KRT39: variants seen among roughly 807,000 people sequenced by gnomAD.
KRT39 encodes keratin 39, also known as keratin, type I cytoskeletal 39.
In KRT39, 47 loss-of-function variants were observed where a neutral mutation model predicts 54.8. That is an observed-to-expected ratio of 0.86 (90% CI 0.68 to 1.09). The LOEUF (loss-of-function observed/expected upper bound fraction) is 1.09. Among genes scored for constraint, KRT39 ranks in the 50% least tolerant of loss-of-function variants. The pLI is 0.00. For missense variants in KRT39, 580 were observed against 598.5 expected (o/e 0.97, Z 0.32); for synonymous variants, 207 against 227.9 (o/e 0.91, Z 0.83).
chr17:40,959,117 A>G (rs186235463), intron 6 of KRT39, among the ~76,000 whole-genome samples: 3 of 152,372 alleles, frequency 2.0e-5, no homozygotes, highest in African/African-American at 7.2e-5. Flanking sequence ...TTGTGGAAAG[A>G]ATACTGCACT....
rs1312317762 is a variant in KRT39 at position 40,962,462 on chromosome 17, A to G, written c.810T>C (p.Cys270=). ...DLNQVLQEMR[C]QYEPIMETNR... Reference sequence around the variant, plus strand: ...TTGTCTCCATGATGGGCTCATATTGACATCTCATTTCTTGTAGAACCTGGT... The same window carrying G: ...TTGTCTCCATGATGGGCTCATATTGGCATCTCATTTCTTGTAGAACCTGGT... The change falls in exon 4 of 7, where the codon TGT becomes TGC. Residue 270 remains cysteine (C), a synonymous_variant. Coordinates refer to ENST00000355612, the MANE Select transcript of KRT39 (RefSeq NM_213656.4). 1 of 1,614,190 alleles carries G rather than the reference A, an allele frequency of 6.2e-7. No homozygotes were observed. The highest frequency in any genetic ancestry group is 1.3e-5 in the African/African-American group (1 of 75,042).
rs766132481 is a variant in KRT39 at position 40,963,709 on chromosome 17, A to G, written c.626T>C (p.Leu209Pro). Reference protein sequence around the residue: ...ANGLKQILNVLTLGKADLEAQ... With the variant: ...ANGLKQILNVPTLGKADLEAQ... ...CTCTAGGTCGGCCTTGCCCAGGGTC[A>G]GCACATTCAGGATCTGCTTGAGGCC... The change falls in exon 3 of 7, where the codon CTG becomes CCG. Residue 209 changes from leucine (L) to proline (P), a missense_variant. Physicochemically the swap from Leu to Pro is moderately conservative, Grantham distance 98 (BLOSUM62 -3). Coordinates refer to ENST00000355612, the MANE Select transcript of KRT39 (RefSeq NM_213656.4). 1 of 1,611,904 alleles carries G rather than the reference A, an allele frequency of 6.2e-7. No homozygotes were observed. Among genetic ancestry groups the G allele is most frequent in the South Asian group, 1.1e-5 (1 of 90,858 alleles).
chr17:40,962,465 T>A lies in KRT39; in HGVS notation c.807A>T (p.Arg269Ser), dbSNP rs1352537457. 1 of 1,614,096 alleles carries A rather than the reference T, an allele frequency of 6.2e-7. No homozygotes were observed. The highest frequency in any genetic ancestry group is 8.5e-7 in the Non-Finnish European group (1 of 1,180,038). ...ADLNQVLQEM[R>S]CQYEPIMETN... The stretch of plus-strand genomic sequence containing the variant: ...TCTCCATGATGGGCTCATATTGACA[T>A]CTCATTTCTTGTAGAACCTGGTTTA... The change falls in exon 4 of 7, where the codon AGA becomes AGT. Residue 269 changes from arginine to serine, a missense_variant. Transcript: ENST00000355612.
In KRT39 at chr17:40,958,617, C is replaced by T; in HGVS notation, c.1460G>A (p.Arg487Lys). The T allele has an allele frequency of 6.2e-7, 1 of 1,609,312 alleles. No homozygotes were observed. The highest frequency in any genetic ancestry group is 8.5e-7 in the Non-Finnish European group (1 of 1,177,716). ...CTTGGGATGTTAGACTTTGGCAGGT[C>T]TGATGATGAAACAAGGCTGCACATG... ...YEHVQPCFII[R>K]PAKV The change falls in exon 7 of 7, where the codon AGA (arginine) becomes AAA (lysine). Residue 487 changes from arginine (R) to lysine (K), a missense_variant. Transcript: ENST00000355612.
rs1246819798 is a variant in KRT39, at chr17:40,963,716, TC to T, written c.618del (p.Asn207MetfsTer3). On this transcript the variant is annotated frameshift_variant, in exon 3 of 7. Coordinates refer to ENST00000355612, the MANE Select transcript of KRT39 (RefSeq NM_213656.4). LOFTEE classifies it high-confidence loss of function. ...ESDANGLKQILNVLTLGKADL... is the reference protein window; with the variant it reads ...ESDANGLKQIXNVLTLGKADL... Reference sequence around the variant, plus strand: ...TCGGCCTTGCCCAGGGTCAGCACATTCAGGATCTGCTTGAGGCCATTGGCAT... The same window carrying T: ...TCGGCCTTGCCCAGGGTCAGCACATTAGGATCTGCTTGAGGCCATTGGCAT... 1 of 1,611,422 alleles carries T rather than the reference TC, an allele frequency of 6.2e-7. No individual in the cohort carries two copies. Among genetic ancestry groups the T allele is most frequent in the South Asian group, 1.1e-5 (1 of 90,824 alleles).
At chr17:40,964,571 G>T (rs764122076) in intron 1 of KRT39, 43 bp from the exon 2 acceptor site, 7 of 1,365,144 alleles carry the variant, frequency 5.1e-6, no homozygotes, top group Non-Finnish European at 7.3e-6. Context: ...CAAACACCAA[G>T]ATTTCCTTCT....
In KRT39 at chr17:40,962,474, T is replaced by C. The variant is rs763029784; in HGVS notation, c.798A>G (p.Gln266=). The C allele has an allele frequency of 1.2e-6, 2 of 1,614,242 alleles. No homozygotes were observed. The highest frequency in any genetic ancestry group is 2.2e-5 in the South Asian group (2 of 91,086). ...APSADLNQVL[Q]EMRCQYEPIM... ...TGGGCTCATATTGACATCTCATTTC[T>C]TGTAGAACCTGGTTTAGGTCAGCAG... The change falls in exon 4 of 7, where the codon CAA becomes CAG. Residue 266 remains glutamine, a synonymous_variant. Transcript: ENST00000355612.
rs1911200498 is a variant in KRT39 at position 40,962,558 on chromosome 17, G to A, written c.714C>T (p.Ile238=). The A allele has an allele frequency of 1.2e-6, 2 of 1,610,460 alleles. No homozygotes were observed. Among genetic ancestry groups the A allele is most frequent in the South Asian group, 2.2e-5 (2 of 90,234 alleles). The part of the protein sequence containing the change: ...LCLKNNHKEE[I]NSLQCQLGER... ...CCCCAAGCTGACACTGTAAAGAATT[G>A]ATTTCCTAAGGAAAGAAAAAGACTG... is the stretch of plus-strand genomic sequence containing the variant. The change falls in exon 4 of 7, where the codon ATC becomes ATT. Residue 238 remains isoleucine, a synonymous_variant. Transcript: ENST00000355612.
chr17:40,964,047 A>G, intron 2 of KRT39: 1 of 428,106 alleles, frequency 2.3e-6, no homozygotes, highest in Non-Finnish European at 4.1e-6. Flanking sequence ...TGGCAATGCA[A>G]TGTAAGTGAA....
intron 6 of KRT39, among the ~76,000 whole-genome samples, chr17:40,960,052 G>A (rs535948912): frequency 1.5e-3 from 228 of 152,208 alleles, no homozygotes; most frequent in African/African-American, 5.2e-3. Flanking sequence ...CTGGCCCATG[G>A]GCTCTTCAGA....
At position 40,962,521 on chromosome 17, in the gene KRT39, T is replaced by A; in HGVS notation, c.751A>T (p.Ile251Phe). 1 of 1,614,154 alleles carries A rather than the reference T, an allele frequency of 6.2e-7. No individual in the cohort carries two copies. Among genetic ancestry groups the A allele is most frequent in the Non-Finnish European group, 8.5e-7 (1 of 1,180,024 alleles). ...LQCQLGERLD[I>F]EVTAAPSADL... is the part of the protein sequence containing the mutation. ...GCAGAAGGGGCAGCAGTCACTTCAA[T>A]GTCAAGTCTCTCCCCAAGCTGACAC... The change falls in exon 4 of 7, where the codon ATT becomes TTT. Residue 251 changes from isoleucine (I) to phenylalanine (F), a missense_variant. Coordinates refer to ENST00000355612, the MANE Select transcript of KRT39 (RefSeq NM_213656.4).
intron 6 of KRT39, 41 bp from the exon 7 acceptor site, chr17:40,958,900 G>T: frequency 4.8e-6 from 7 of 1,463,620 alleles, no homozygotes; most frequent in Admixed American, 2.2e-5. Flanking sequence ...ATTGAGGGAA[G>T]GCGATGATGG....
rs778817106 is a variant in KRT39, at chr17:40,963,723, C to G, written c.612G>C (p.Gln204His). The change falls in exon 3 of 7, where the codon CAG becomes CAC. Residue 204 changes from glutamine to histidine, a missense_variant. Coordinates refer to ENST00000355612, the MANE Select transcript of KRT39 (RefSeq NM_213656.4). ...TGCCCAGGGTCAGCACATTCAGGAT[C>G]TGCTTGAGGCCATTGGCATCTGACT... The part of the protein sequence containing the change: ...LVESDANGLK[Q>H]ILNVLTLGKA... 1.9e-6 allele frequency: 3 copies of G among 1,609,990 alleles called. No homozygotes were observed. Among genetic ancestry groups the G allele is most frequent in the Admixed American group, 1.7e-5 (1 of 59,990 alleles).
chr17:40,961,287 T>A (rs1048333761), intron 5 of KRT39, among the ~76,000 whole-genome samples: 11 of 152,236 alleles, frequency 7.2e-5, no homozygotes, highest in Admixed American at 7.2e-4. Context: ...TGAGTAAATT[T>A]CATTCCTGCT....
intron 2 of KRT39, chr17:40,964,101 G>T: frequency 2.4e-6 from 1 of 414,616 alleles, no homozygotes; most frequent in Non-Finnish European, 4.3e-6. Flanking sequence ...TCCAAGTTTC[G>T]GTTTTGACTT....
chr17:40,964,398 A>G (rs1239475896), intron 2 of KRT39, 48 bp downstream of exon 2: 1 of 1,532,158 alleles, frequency 6.5e-7, no homozygotes, highest in Non-Finnish European at 9.0e-7. Context: ...CATCTCGGTC[A>G]GACTCAGGGT....
chr17:40,962,035 C>A, intron 5 of KRT39, 127 bp downstream of exon 5: 2 of 1,309,214 alleles, frequency 1.5e-6, no homozygotes, highest in Non-Finnish European at 2.1e-6. Flanking sequence ...TCTTTTTCAG[C>A]CATAGACGCT....
chr17:40,962,205 C>T lies in KRT39; in HGVS notation c.953G>A (p.Ser318Asn), dbSNP rs766153536. The T allele has an allele frequency of 3.1e-6, 5 of 1,614,238 alleles. No homozygotes were observed. Among genetic ancestry groups the T allele is most frequent in the Admixed American group, 3.3e-5 (2 of 60,030 alleles). ...CAGTTCAACCTCCAGAGTGTTCACA[C>T]TGCGTCTCAGTTCTATGATCTCCTT... The part of the protein sequence containing the change: ...CQKEIIELRR[S>N]VNTLEVELQA... Residue 318 changes from serine to asparagine, a missense_variant, in exon 5 of 7, where the codon AGT becomes AAT. Ser to Asn is a conservative substitution (Grantham distance 46). Coordinates refer to ENST00000355612, the MANE Select transcript of KRT39 (RefSeq NM_213656.4).
chr17:40,964,723 A>G (rs1398522178), intron 1 of KRT39, among the ~76,000 whole-genome samples, 195 bp from the exon 2 acceptor site: 1 of 152,140 alleles, frequency 6.6e-6, no homozygotes, highest in Non-Finnish European at 1.5e-5. Context: ...AAGATCAGCA[A>G]AAAGTACTTA....
Sources: gnomAD v4.1 joint callset for allele counts (sites outside exome capture counted in the v4.1 genomes callset) on GRCh38, gnomAD v4.1.1 for gene constraint, MANE v1.5 for transcripts, NCBI Gene and HGNC (gene_info 2026-07-23, HGNC 2026-07-21) for gene names.